The following TG variants were observed in gnomAD, a reference collection of about 807,000 sequenced individuals.
TG encodes the protein thyroid hormones.
In TG, 270 loss-of-function variants were observed where a neutral mutation model predicts 324.7. The ratio of observed to expected loss-of-function variants is 0.83; its 90% CI spans 0.75 to 0.92. TG has a LOEUF of 0.92. Ranked by LOEUF, TG falls within the 40% of genes least tolerant of loss-of-function variation. TG has a pLI of 0.00. For missense variants in TG, 3,591 were observed against 3,456.4 expected (o/e 1.04, Z -0.98); for synonymous variants, 1,401 against 1,327.0 (o/e 1.06, Z -1.21).
intron 37 of TG, 147 bp from the exon 38 acceptor site, chr8:133,017,631 G>C (rs1835157642): frequency 1.3e-6 from 1 of 798,430 alleles, no homozygotes; most frequent in Non-Finnish European, 2.1e-6. Flanking sequence ...CATTTAAGCT[G>C]TAGGGGTCTG....
intron 21 of TG, 66 bp from the exon 22 acceptor site, chr8:132,923,272 T>C: frequency 6.3e-7 from 1 of 1,575,510 alleles, no homozygotes; most frequent in Non-Finnish European, 8.7e-7. Flanking sequence ...ACCGAGAGCC[T>C]GGGAGTAGGA....
chr8:133,062,338 G>A (rs1443965578), intron 41 of TG, among the ~76,000 whole-genome samples: 1 of 152,210 alleles, frequency 6.6e-6, no homozygotes, highest in African/African-American at 2.4e-5. Context: ...GGGATACATT[G>A]GCCTTGTCTC....
chr8:132,913,231 G>T lies in TG; in HGVS notation c.4344G>T (p.Leu1448Phe). Residue 1448 changes from leucine to phenylalanine, a missense_variant, in exon 20 of 48, where the codon TTG (leucine) becomes TTT (phenylalanine). Physicochemically the swap from Leu to Phe is conservative, Grantham distance 22. Coordinates refer to ENST00000220616, the MANE Select transcript of TG (RefSeq NM_003235.5). ...FGCSEGFYQVLTSEASQDGLG... is the reference protein window; with the variant it reads ...FGCSEGFYQVFTSEASQDGLG... The stretch of plus-strand genomic sequence containing the variant: ...GCTCGGAAGGATTCTACCAAGTCTT[G>T]ACAAGTGAGGCCAGTCAGGACGGAC... The T allele has an allele frequency of 6.2e-7, 1 of 1,614,130 alleles. No individual in the cohort carries two copies. Among genetic ancestry groups the T allele is most frequent in the Non-Finnish European group, 8.5e-7 (1 of 1,180,020 alleles).
intron 41 of TG, among the ~76,000 whole-genome samples, chr8:133,056,269 T>C (rs1841430542): frequency 6.6e-6 from 1 of 152,220 alleles, no homozygotes; most frequent in South Asian, 2.1e-4. Flanking sequence ...TGTACAATTA[T>C]GTAAAAGTTG....
intron 27 of TG, among the ~76,000 whole-genome samples, chr8:132,953,984 G>A (rs111577609): frequency 7.0e-6 from 1 of 142,820 alleles, no homozygotes; most frequent in Non-Finnish European, 1.5e-5. Context: ...CCACACAGAT[G>A]TAAAATTTGA....
At chr8:132,910,287 G>A (rs1217318940) in intron 18 of TG, among the ~76,000 whole-genome samples, 2 of 152,158 alleles carry the variant, frequency 1.3e-5, no homozygotes, top group Admixed American at 6.5e-5. Flanking sequence ...GGTAGTTGAG[G>A]CCTTTTGTGG....
intron 41 of TG, among the ~76,000 whole-genome samples, chr8:133,051,757 G>A (rs1042369025): frequency 6.6e-5 from 10 of 152,146 alleles, no homozygotes; most frequent in Admixed American, 2.6e-4. Context: ...ATTAGATGCA[G>A]GGTAATATTT....
In TG at chr8:132,870,782, T is replaced by C. The variant is rs73347469; in HGVS notation, c.275-566T>C. Among the ~76,000 whole-genome samples the C allele has an allele frequency of 2.5e-3, 374 of 151,966 alleles. 2 individuals are homozygous for C. Among genetic ancestry groups the C allele is most frequent in the African/African-American group, 8.8e-3 (364 of 41,438 alleles). ...CATGTGAGAGAGAAAGCTAGAGAGA[T>C]AGAAGGTGGAGGTGCCAGGCTCTTT... On this transcript the variant is annotated intron_variant, in intron 3 of 47. Transcript: ENST00000220616.
chr8:132,923,973 G>A (rs1821465465), intron 22 of TG, among the ~76,000 whole-genome samples: 1 of 152,116 alleles, frequency 6.6e-6, no homozygotes, highest in Admixed American at 6.5e-5. Context: ...GGCAGGGTGG[G>A]GATGGTTTCA....
chr8:132,948,585 A>G (rs554015682), intron 26 of TG, among the ~76,000 whole-genome samples, 191 bp from the exon 27 acceptor site: 8 of 152,224 alleles, frequency 5.3e-5, no homozygotes, highest in Non-Finnish European at 1.2e-4. Flanking sequence ...GAAATTTGCC[A>G]ATAAGACAAC....
intron 37 of TG, among the ~76,000 whole-genome samples, chr8:133,014,960 A>G (rs1466005708): frequency 6.6e-6 from 1 of 152,180 alleles, no homozygotes; most frequent in Admixed American, 6.5e-5. Context: ...ATCTCGGGTC[A>G]CTGCAACCTC....
intron 27 of TG, among the ~76,000 whole-genome samples, chr8:132,959,190 A>C (rs1333343050): frequency 6.6e-6 from 1 of 152,128 alleles, no homozygotes; most frequent in South Asian, 2.1e-4. Context: ...CCCCGGGGAG[A>C]CTTGTCACTT....
At chr8:133,048,078 G>A (rs544847198) in intron 41 of TG, 7 of 594,006 alleles carry the variant, frequency 1.2e-5, no homozygotes. Flanking sequence ...CTCTTCCACA[G>A]ATGAGAATAC....
intron 43 of TG, chr8:133,102,523 G>A (rs752438805): frequency 6.4e-7 from 1 of 1,550,560 alleles, no homozygotes; most frequent in Admixed American, 2.0e-5. Context: ...CACCCAGGGG[G>A]TCCCAATGAC....
chr8:132,908,420 T>TCACCTGAGGGTTTGAGTTC, intron 18 of TG, 80 bp downstream of exon 18: 2 of 981,180 alleles, frequency 2.0e-6, no homozygotes, highest in Admixed American at 2.5e-5. Context: ...GGGCTCACAT[T>TCACCTGAGGGTTTGAGTTC]AACACAGAGG....
chr8:132,894,507 G>A (rs1294896900), intron 11 of TG, among the ~76,000 whole-genome samples: 1 of 150,234 alleles, frequency 6.7e-6, no homozygotes, highest in East Asian at 1.9e-4. Flanking sequence ...CACCCAGGCT[G>A]GGGTGCAGTG....
intron 27 of TG, among the ~76,000 whole-genome samples, chr8:132,954,558 T>C (rs887706306): frequency 1.3e-5 from 2 of 152,172 alleles, no homozygotes; most frequent in African/African-American, 2.4e-5. Flanking sequence ...ACAGGGTGTG[T>C]ACCCAGTGGT....
At chr8:133,017,048 G>A (rs562239717) in intron 37 of TG, among the ~76,000 whole-genome samples, 37 of 152,316 alleles carry the variant, frequency 2.4e-4, no homozygotes, top group African/African-American at 8.9e-4. Context: ...GAGAGGCAAA[G>A]CTCTGAACTG....
rs1814783158 is a variant in TG, at chr8:132,882,472, TGGAGTTGTTACTGG to T, written c.750_763del (p.Glu251Ter). 21 of 1,614,098 alleles carry T rather than the reference TGGAGTTGTTACTGG, an allele frequency of 1.3e-5. No individual in the cohort carries two copies. The highest frequency in any genetic ancestry group is 1.7e-5 in the Non-Finnish European group (20 of 1,180,046). On this transcript the variant is annotated frameshift_variant, in exon 7 of 48. Coordinates refer to ENST00000220616, the MANE Select transcript of TG (RefSeq NM_003235.5). LOFTEE classifies it high-confidence loss of function. Reference sequence around the variant, plus strand: ...AAGTCTTGCTGTCTTTGCTCAGGTTTGGAGTTGTTACTGGATGAAATTTATGACACCATTTTTGC... The same window carrying T: ...AAGTCTTGCTGTCTTTGCTCAGGTTTATGAAATTTATGACACCATTTTTGC...
Sources: allele counts gnomAD v4.1 joint callset (sites outside exome capture counted in the v4.1 genomes callset), GRCh38; gene constraint gnomAD v4.1.1; transcripts MANE v1.5; gene names NCBI Gene and HGNC (gene_info 2026-07-23, HGNC 2026-07-21).